Variants in SHROOM2 observed in about 807,000 individuals in gnomAD.
SHROOM2 encodes the protein shroom family member 2, also known as protein Shroom2.
Under a neutral mutation model 75.9 loss-of-function variants are expected in SHROOM2, and 33 were observed. The observed-to-expected ratio is 0.43, with a 90% CI of 0.33 to 0.58. The LOEUF (loss-of-function observed/expected upper bound fraction) is 0.58. Ranked by LOEUF, SHROOM2 falls within the 20% of genes least tolerant of loss-of-function variation. The probability of loss-of-function intolerance (pLI) is 0.04; values close to 1 mark genes in which losing one functional copy is unlikely to be tolerated. For synonymous variants in SHROOM2, 655 were observed against 663.6 expected (o/e 0.99, Z 0.20); for missense variants, 1,434 against 1,461.2 (o/e 0.98, Z 0.30).
Position 9,946,805 on chromosome X carries a change from G to A in SHROOM2, c.4719G>A (p.Ala1573=), listed in dbSNP as rs1373074276. 13 of 1,203,189 alleles carry A rather than the reference G, an allele frequency of 1.1e-5. No individual in the cohort carries two copies. Among genetic ancestry groups the A allele is most frequent in the African/African-American group, 1.7e-5 (1 of 57,376 alleles). ...LANYLSEESL[A]DYEHFVKMKS... ...ACTATCTGAGCGAGGAGAGCCTCGC[G>A]GACTATGAGCACTTCGTGAAGATGA... The change falls in exon 10 of 10, where the codon GCG becomes GCA. Residue 1573 remains alanine (A), a synonymous_variant. Coordinates refer to ENST00000380913, the MANE Select transcript of SHROOM2 (RefSeq NM_001649.4).
chrX:9,886,714 G>C (rs2084263001), intron 2 of SHROOM2, among the ~76,000 whole-genome samples: 1 of 109,690 alleles, frequency 9.1e-6, no homozygotes, highest in South Asian at 3.8e-4. Context: ...TTTTGTAACT[G>C]TCTAATGTCA....
chrX:9,853,275 CCTT>C (rs2084050271), intron 1 of SHROOM2, among the ~76,000 whole-genome samples: 1 of 111,808 alleles, frequency 8.9e-6, no homozygotes, highest in Non-Finnish European at 1.9e-5. Context: ...TTCCTGATCT[CCTT>C]CTGGAACATT....
chrX:9,875,470 C>T (rs2084195727), intron 2 of SHROOM2, among the ~76,000 whole-genome samples: 1 of 111,653 alleles, frequency 9.0e-6, no homozygotes, highest in Non-Finnish European at 1.9e-5. Context: ...ACTGCAACTC[C>T]CTTTTCTTCT....
intron 1 of SHROOM2, among the ~76,000 whole-genome samples, chrX:9,809,919 A>G (rs1451316065): frequency 1.8e-5 from 2 of 112,245 alleles, no homozygotes; most frequent in Non-Finnish European, 3.8e-5. Flanking sequence ...CAAGTGATCC[A>G]CCTGCCTTGG....
At position 9,885,667 on chromosome X, in the gene SHROOM2, TC is replaced by T. The variant is rs2084256996; in HGVS notation, c.318-5307del. On this transcript the variant is annotated intron_variant, in intron 2 of 9. Transcript: ENST00000380913. Reference sequence around the variant, plus strand: ...CTTCATTTGCTTATTTAAAAAATTATCCCTAGGCCAGGTACAGGGGCTCACG... The same window carrying T: ...CTTCATTTGCTTATTTAAAAAATTATCCTAGGCCAGGTACAGGGGCTCACG... 3.6e-5 allele frequency among the ~76,000 whole-genome samples: 4 copies of T among 111,678 alleles called. No individual in the cohort carries two copies. In the South Asian group the frequency reaches 1.5e-3, roughly 42 times the overall value.
chrX:9,814,536 CAG>C (rs957922979), intron 1 of SHROOM2, among the ~76,000 whole-genome samples: 3 of 111,278 alleles, frequency 2.7e-5, no homozygotes, highest in Non-Finnish European at 3.8e-5. Flanking sequence ...TAGAAGCAAA[CAG>C]GGGTGTCGGG....
At chrX:9,941,123 AG>A (rs1220265241) in intron 8 of SHROOM2, among the ~76,000 whole-genome samples, 2 of 112,064 alleles carry the variant, frequency 1.8e-5, no homozygotes, top group Non-Finnish European at 3.8e-5. Flanking sequence ...AGAATCTTTG[AG>A]AATTATGGCT....
chrX:9,862,548 G>A (rs765244284), intron 1 of SHROOM2, among the ~76,000 whole-genome samples: 2 of 111,649 alleles, frequency 1.8e-5, no homozygotes, highest in African/African-American at 3.3e-5. Context: ...GAAGCTGCCC[G>A]CCAGAGCACC....
chrX:9,844,928 T>G (rs2083998424), intron 1 of SHROOM2, among the ~76,000 whole-genome samples: 1 of 112,111 alleles, frequency 8.9e-6, no homozygotes, highest in Non-Finnish European at 1.9e-5. Context: ...CTCCCACTCT[T>G]GCTCAGTTGC....
At chrX:9,911,684 C>T (rs927226292) in intron 5 of SHROOM2, among the ~76,000 whole-genome samples, 1 of 111,515 alleles carries the variant, frequency 9.0e-6, no homozygotes. Context: ...TCAGGTCCAG[C>T]CTGCCTTTGT....
At chrX:9,823,347 ATCC>A (rs1219966393) in intron 1 of SHROOM2, among the ~76,000 whole-genome samples, 34 of 109,695 alleles carry the variant, frequency 3.1e-4, no homozygotes, top group African/African-American at 1.1e-3. Context: ...GGCTTAAGCT[ATCC>A]TCCTGCCTCA....
intron 1 of SHROOM2, among the ~76,000 whole-genome samples, chrX:9,861,371 G>T (rs1454088018): frequency 8.9e-6 from 1 of 111,732 alleles, no homozygotes. Context: ...GTTTCATTGT[G>T]TTGCCCGGGC....
At position 9,845,244 on chromosome X, in the gene SHROOM2, T is replaced by G. The variant is rs181028467; in HGVS notation, c.166-28408T>G. Among the ~76,000 whole-genome samples the G allele has an allele frequency of 6.1e-4, 69 of 112,748 alleles. No individual in the cohort carries two copies. In the East Asian group the frequency reaches 0.01, roughly 17 times the overall value. ...AGAAGTGTATACTGCCAGGACTTTT[T>G]TCTTGTTTTTGTTTTGCTTTGTTAG... On this transcript the variant is annotated intron_variant, in intron 1 of 9. Coordinates refer to ENST00000380913, the MANE Select transcript of SHROOM2 (RefSeq NM_001649.4).
Position 9,848,512 on chromosome X carries a change from A to C in SHROOM2, c.166-25140A>C, listed in dbSNP as rs111608213. On this transcript the variant is annotated intron_variant, in intron 1 of 9. Transcript: ENST00000380913. ...GGCGACAGAGCGAGACTCCGTCTCA[A>C]AAAAAAAAAAAAAAAAAAAGAAAAG... Among the ~76,000 whole-genome samples the C allele has an allele frequency of 8.9e-4, 61 of 68,445 alleles. No individual in the cohort carries two copies. In the East Asian group the frequency reaches 9.4e-3, roughly 11 times the overall value. The allele number at this position is 68,445 out of a possible 115,157, so 59.4% of individuals were successfully genotyped here.
At chrX:9,808,543 T>G (rs776965784) in intron 1 of SHROOM2, among the ~76,000 whole-genome samples, 1 of 110,117 alleles carries the variant, frequency 9.1e-6, no homozygotes, top group African/African-American at 3.3e-5. Flanking sequence ...AGTGAGACCC[T>G]GTCTCAAAAA....
chrX:9,906,537 G>A (rs1292699851), intron 5 of SHROOM2, among the ~76,000 whole-genome samples: 1 of 113,158 alleles, frequency 8.8e-6, no homozygotes, highest in South Asian at 3.6e-4. Context: ...GCTCACGCCT[G>A]TAATCCCAGC....
At chrX:9,790,342 A>G (rs776418806) in intron 1 of SHROOM2, among the ~76,000 whole-genome samples, 4 of 112,159 alleles carry the variant, frequency 3.6e-5, no homozygotes, top group Non-Finnish European at 7.5e-5. Context: ...CTTGTCTCAT[A>G]TGCCATTATA....
At chrX:9,827,931 CTTCCTCTGGGAGCT>C (rs2083896515) in intron 1 of SHROOM2, among the ~76,000 whole-genome samples, 1 of 112,249 alleles carries the variant, frequency 8.9e-6, no homozygotes, top group South Asian at 3.7e-4. Flanking sequence ...GCAGCATCAG[CTTCCTCTGGGAGCT>C]TGTCCAAAAT....
chrX:9,830,052 C>G (rs1391112971), intron 1 of SHROOM2, among the ~76,000 whole-genome samples: 1 of 111,478 alleles, frequency 9.0e-6, no homozygotes, highest in Non-Finnish European at 1.9e-5. Flanking sequence ...GCAAGTCTCC[C>G]TCTCTCACAC....
Sources: allele counts gnomAD v4.1 joint callset (sites outside exome capture counted in the v4.1 genomes callset), GRCh38; gene constraint gnomAD v4.1.1; transcripts MANE v1.5; gene names NCBI Gene and HGNC (gene_info 2026-07-23, HGNC 2026-07-21).